RALYL: variants seen among roughly 807,000 people sequenced by gnomAD.
RALYL encodes the protein RNA-binding Raly-like protein.
In RALYL, 29 loss-of-function variants were observed where a neutral mutation model predicts 35.1. The ratio of observed to expected loss-of-function variants is 0.83; its 90% CI spans 0.61 to 1.13. The LOEUF is 1.13. Among genes scored for constraint, RALYL ranks in the 50% most tolerant of loss-of-function variants. The pLI, the probability that RALYL is intolerant of heterozygous loss-of-function variation, is 0.00. For missense variants in RALYL, 359 were observed against 360.4 expected (o/e 1.00, Z 0.03); for synonymous variants, 120 against 127.6 (o/e 0.94, Z 0.40).
intron 3 of RALYL, among the ~76,000 whole-genome samples, chr8:84,796,592 T>C (rs1459367547): frequency 2.0e-5 from 3 of 152,220 alleles, no homozygotes; most frequent in Non-Finnish European, 4.4e-5. Flanking sequence ...TCATCATCTG[T>C]TGCTCCCATT....
intron 1 of RALYL, among the ~76,000 whole-genome samples, chr8:84,357,447 A>G (rs1007306527): frequency 1.4e-4 from 21 of 151,984 alleles, no homozygotes; most frequent in Non-Finnish European, 2.6e-4. Flanking sequence ...CCAAGCCCTA[A>G]AAGAATCTAA....
At chr8:84,887,115 T>C (rs1843015964) in intron 7 of RALYL, among the ~76,000 whole-genome samples, 1 of 112,852 alleles carries the variant, frequency 8.9e-6, no homozygotes, top group Non-Finnish European at 1.6e-5. Context: ...ACATATTTGC[T>C]TTTGTACTTT....
At chr8:84,417,877 C>T (rs2044908918) in intron 1 of RALYL, among the ~76,000 whole-genome samples, 1 of 152,092 alleles carries the variant, frequency 6.6e-6, no homozygotes, top group Non-Finnish European at 1.5e-5. Context: ...TATTGATAGT[C>T]TCAAGGCTTC....
At chr8:84,868,114 G>A (rs1839516613) in intron 6 of RALYL, among the ~76,000 whole-genome samples, 1 of 152,128 alleles carries the variant, frequency 6.6e-6, no homozygotes, top group Non-Finnish European at 1.5e-5. Context: ...GGGGGTAGGA[G>A]GGTGGGACCT....
chr8:84,595,958 C>T (rs1032205044), intron 2 of RALYL, among the ~76,000 whole-genome samples: 2 of 152,028 alleles, frequency 1.3e-5, no homozygotes. Context: ...TCTCAAACCA[C>T]TCATTCTTTC....
intron 1 of RALYL, among the ~76,000 whole-genome samples, chr8:84,273,424 C>A (rs968457080): frequency 6.6e-6 from 1 of 152,236 alleles, no homozygotes; most frequent in African/African-American, 2.4e-5. Flanking sequence ...CAAGTGAAGG[C>A]ACTTAGATGG....
chr8:84,630,727 T>G (rs1440291785), intron 2 of RALYL, among the ~76,000 whole-genome samples: 1 of 152,018 alleles, frequency 6.6e-6, no homozygotes, highest in African/African-American at 2.4e-5. Context: ...ATGGCTGTAT[T>G]CCCTGTGCCC....
intron 2 of RALYL, among the ~76,000 whole-genome samples, chr8:84,596,001 C>T (rs1425894504): frequency 6.6e-6 from 1 of 152,152 alleles, no homozygotes; most frequent in South Asian, 2.1e-4. Context: ...GTGACACACA[C>T]ACATTCTTTA....
At chr8:84,360,552 C>T (rs1489061948) in intron 1 of RALYL, among the ~76,000 whole-genome samples, 2 of 152,086 alleles carry the variant, frequency 1.3e-5, no homozygotes, top group Non-Finnish European at 2.9e-5. Flanking sequence ...AGCATTCCTT[C>T]TTAATCTTGA....
At chr8:84,443,279 G>T (rs780513598) in intron 1 of RALYL, among the ~76,000 whole-genome samples, 1 of 152,078 alleles carries the variant, frequency 6.6e-6, no homozygotes, top group African/African-American at 2.4e-5. Flanking sequence ...AGGAAATAAC[G>T]TCTCAAAGAG....
At chr8:84,757,634 G>A (rs1563535509) in intron 2 of RALYL, among the ~76,000 whole-genome samples, 3 of 143,088 alleles carry the variant, frequency 2.1e-5, no homozygotes, top group Non-Finnish European at 4.4e-5. Context: ...AAAGAGGGAT[G>A]GAGGTGGAAC....
At chr8:84,675,580 G>C (rs562981732) in intron 2 of RALYL, among the ~76,000 whole-genome samples, 10 of 152,208 alleles carry the variant, frequency 6.6e-5, no homozygotes, top group African/African-American at 1.9e-4. Context: ...ACCAGTATTT[G>C]ATGATTTTCA....
chr8:84,518,758 G>C (rs955549688), intron 1 of RALYL, among the ~76,000 whole-genome samples: 1 of 152,162 alleles, frequency 6.6e-6, no homozygotes, highest in Admixed American at 6.5e-5. Context: ...AGTAATGACT[G>C]AAAGTTGTGC....
In RALYL at chr8:84,766,475, C is replaced by T. The variant is rs187484081; in HGVS notation, c.257-8104C>T. Among the ~76,000 whole-genome samples, 50 of 151,072 alleles carry T rather than the reference C, an allele frequency of 3.3e-4. 2 individuals are homozygous for T. In the East Asian group the frequency reaches 9.5e-3, roughly 29 times the overall value. ...TTGGGAGGCCAAGGTGGGTGGATCA[C>T]GAGTTCAGGAGATCAAGACCATCCT... On this transcript the variant is annotated intron_variant, in intron 2 of 8. Transcript: ENST00000521268.
intron 3 of RALYL, among the ~76,000 whole-genome samples, chr8:84,793,154 A>G (rs1490041668): frequency 3.3e-5 from 5 of 152,194 alleles, no homozygotes; most frequent in Non-Finnish European, 7.3e-5. Context: ...CCTATTTGTG[A>G]GTCATCAGTA....
intron 2 of RALYL, among the ~76,000 whole-genome samples, chr8:84,706,696 G>A (rs1430954151): frequency 5.3e-5 from 8 of 152,172 alleles, no homozygotes; most frequent in Middle Eastern, 3.4e-3. Flanking sequence ...TTACCCTGGC[G>A]TAAAGTCCAG....
At chr8:84,434,435 T>A (rs2047483672) in intron 1 of RALYL, among the ~76,000 whole-genome samples, 1 of 152,116 alleles carries the variant, frequency 6.6e-6, no homozygotes, top group Non-Finnish European at 1.5e-5. Flanking sequence ...TAGAAAGCCC[T>A]GTGAAATATT....
intron 1 of RALYL, among the ~76,000 whole-genome samples, chr8:84,495,132 T>G (rs2055859915): frequency 6.6e-6 from 1 of 152,192 alleles, no homozygotes; most frequent in Non-Finnish European, 1.5e-5. Flanking sequence ...ATCGAAGCTC[T>G]TTTCTGCATC....
At chr8:84,379,722 C>A (rs181366850) in intron 1 of RALYL, among the ~76,000 whole-genome samples, 185 of 151,620 alleles carry the variant, frequency 1.2e-3, no homozygotes, top group Non-Finnish European at 2.2e-3. Flanking sequence ...AGCATCCAAA[C>A]ATATAGAAGT....
Sources: allele counts gnomAD v4.1 joint callset (sites outside exome capture counted in the v4.1 genomes callset), GRCh38; gene constraint gnomAD v4.1.1; transcripts MANE v1.5; gene names NCBI Gene and HGNC (gene_info 2026-07-23, HGNC 2026-07-21).